Variants in BMPER observed in about 807,000 individuals in gnomAD.
The protein encoded by BMPER is BMP binding endothelial regulator, also known as BMP-binding endothelial regulator protein.
In BMPER, 45 loss-of-function variants were observed where a neutral mutation model predicts 87.3. The ratio of observed to expected loss-of-function variants is 0.52; its 90% confidence interval spans 0.41 to 0.66. The LOEUF (loss-of-function observed/expected upper bound fraction) is 0.66, where lower values mean the gene tolerates loss of function less well. Ranked by LOEUF, BMPER falls within the 30% of genes least tolerant of loss-of-function variation. The pLI is 0.00. For synonymous variants in BMPER, 326 were observed against 316.2 expected (o/e 1.03, Z -0.33); for missense variants, 784 against 867.5 (o/e 0.90, Z 1.21).
At chr7:34,144,947 G>A (rs73690176) in intron 14 of BMPER, among the ~76,000 whole-genome samples, 12,097 of 152,206 alleles carry the variant, frequency 0.079, 1,234 homozygotes, top group African/African-American at 0.24. Context: ...ACTGGTTAAA[G>A]GAAGCATTAA....
intron 2 of BMPER, among the ~76,000 whole-genome samples, chr7:33,921,507 C>T (rs1254230363): frequency 3.3e-5 from 5 of 152,200 alleles, no homozygotes; most frequent in Non-Finnish European, 7.3e-5. Flanking sequence ...GCCACCTAAC[C>T]ACAAGGGTTG....
intron 6 of BMPER, among the ~76,000 whole-genome samples, chr7:33,992,209 C>T (rs957190647): frequency 7.1e-6 from 1 of 141,056 alleles, no homozygotes; most frequent in African/African-American, 2.7e-5. Context: ...CTAATGTTGA[C>T]AGTGGGGTGT....
chr7:34,115,834 T>A (rs534201983), intron 13 of BMPER, among the ~76,000 whole-genome samples: 1 of 152,330 alleles, frequency 6.6e-6, no homozygotes, highest in Non-Finnish European at 1.5e-5. Flanking sequence ...TTTTCAATTC[T>A]TTAGGATCCA....
chr7:33,921,846 T>C (rs73310815), intron 2 of BMPER: 4,910 of 470,778 alleles, frequency 0.01, 174 homozygotes, highest in African/African-American at 0.085. Flanking sequence ...GTGCGCCAGC[T>C]GCATCTGGAG....
chr7:34,120,890 A>G (rs893024803), intron 13 of BMPER, among the ~76,000 whole-genome samples: 1 of 152,182 alleles, frequency 6.6e-6, no homozygotes, highest in Non-Finnish European at 1.5e-5. Context: ...ATATAGTGTA[A>G]TACCATGTAC....
chr7:34,101,440 A>T (rs943459992), intron 13 of BMPER, among the ~76,000 whole-genome samples: 3 of 152,206 alleles, frequency 2.0e-5, no homozygotes, highest in African/African-American at 7.2e-5. Flanking sequence ...TCAGGTGGAA[A>T]ATCTCTTAAC....
At chr7:34,085,129 G>A (rs1789165260) in intron 12 of BMPER, among the ~76,000 whole-genome samples, 1 of 152,118 alleles carries the variant, frequency 6.6e-6, no homozygotes, top group African/African-American at 2.4e-5. Context: ...CAAACCCCAA[G>A]AAATGTTAAT....
intron 13 of BMPER, among the ~76,000 whole-genome samples, chr7:34,096,451 T>C (rs1454704651): frequency 6.6e-6 from 1 of 152,198 alleles, no homozygotes. Flanking sequence ...TCTGTCCGTT[T>C]CCCAATCAAC....
At chr7:34,038,995 A>G (rs764638171) in intron 6 of BMPER, among the ~76,000 whole-genome samples, 28 of 152,190 alleles carry the variant, frequency 1.8e-4, no homozygotes, top group Non-Finnish European at 3.5e-4. Context: ...CTCTGATCAC[A>G]GCTCTGTCTC....
At chr7:33,922,494 G>T (rs1010138266) in intron 2 of BMPER, among the ~76,000 whole-genome samples, 1 of 152,182 alleles carries the variant, frequency 6.6e-6, no homozygotes, top group Admixed American at 6.5e-5. Flanking sequence ...TATTGTTGTT[G>T]TTGTTCTGTT....
At chr7:33,996,957 A>G (rs1005234460) in intron 6 of BMPER, among the ~76,000 whole-genome samples, 1 of 152,212 alleles carries the variant, frequency 6.6e-6, no homozygotes, top group Non-Finnish European at 1.5e-5. Context: ...TCAATCGCAC[A>G]TGTGGCTGGT....
intron 2 of BMPER, among the ~76,000 whole-genome samples, chr7:33,928,110 G>A (rs1210333352): frequency 6.6e-6 from 1 of 152,084 alleles, no homozygotes; most frequent in East Asian, 1.9e-4. Flanking sequence ...CTGCCGCACC[G>A]ACCCCATCCC....
At chr7:33,905,867 C>A in intron 1 of BMPER, 121 bp downstream of exon 1, 2 of 1,351,138 alleles carry the variant, frequency 1.5e-6, no homozygotes, top group Non-Finnish European at 2.0e-6. Flanking sequence ...GCTTGCCCTG[C>A]GCTGGTCGAT....
chr7:34,134,281 T>C (rs917173871), intron 13 of BMPER, among the ~76,000 whole-genome samples: 11 of 152,220 alleles, frequency 7.2e-5, no homozygotes, highest in African/African-American at 2.7e-4. Context: ...TATGTTCTTT[T>C]TTATCAGCCA....
chr7:33,982,861 T>C (rs1785901126), intron 6 of BMPER, among the ~76,000 whole-genome samples: 1 of 152,156 alleles, frequency 6.6e-6, no homozygotes, highest in Non-Finnish European at 1.5e-5. Flanking sequence ...GACAAAGCTT[T>C]TGTAGCTTTT....
At position 33,972,641 on chromosome 7, in the gene BMPER, T is replaced by C. The variant is rs115021672; in HGVS notation, c.494-2061T>C. Among the ~76,000 whole-genome samples, 441 of 152,158 alleles carry C rather than the reference T, an allele frequency of 2.9e-3. 3 individuals carry two copies. The highest frequency in any genetic ancestry group is 0.01 in the African/African-American group (418 of 41,512). ...TTGGGATCTGGCCCTTTCTCTTTTC[T>C]GGCCACCACAGGGCACTACCTCCCA... On this transcript the variant is annotated intron_variant, in intron 5 of 14. Transcript: ENST00000649409.
At chr7:33,944,170 A>T (rs1002636048) in intron 3 of BMPER, among the ~76,000 whole-genome samples, 1 of 151,346 alleles carries the variant, frequency 6.6e-6, no homozygotes, top group Admixed American at 6.6e-5. Flanking sequence ...TTTTTAATTT[A>T]TTATTATTAT....
intron 3 of BMPER, among the ~76,000 whole-genome samples, chr7:33,965,319 GT>G (rs1482144957): frequency 6.6e-6 from 1 of 152,072 alleles, no homozygotes; most frequent in Admixed American, 6.5e-5. Context: ...TCAGATCATA[GT>G]TCCAAGTTTA....
intron 6 of BMPER, among the ~76,000 whole-genome samples, chr7:33,994,330 T>C (rs1786331514): frequency 6.6e-6 from 1 of 152,196 alleles, no homozygotes; most frequent in Non-Finnish European, 1.5e-5. Flanking sequence ...TGATGCGCTG[T>C]TTTTTAAGCC....
Sources: gnomAD v4.1 joint callset for allele counts (sites outside exome capture counted in the v4.1 genomes callset) on GRCh38, gnomAD v4.1.1 for gene constraint, MANE v1.5 for transcripts, NCBI Gene and HGNC (gene_info 2026-07-23, HGNC 2026-07-21) for gene names.